The following SPAG16 variants were observed in gnomAD, a reference collection of about 807,000 sequenced individuals.
SPAG16 encodes sperm-associated antigen 16 protein.
A neutral mutation model predicts 80.4 loss-of-function variants in SPAG16; 86 were observed. The observed-to-expected ratio is 1.07, with a 90% CI of 0.90 to 1.28. SPAG16 has a LOEUF of 1.28. Among genes scored for constraint, SPAG16 ranks in the 50% most tolerant of loss-of-function variants. The pLI, the probability that SPAG16 is intolerant of heterozygous loss-of-function variation, is 0.00. For synonymous variants in SPAG16, 294 were observed against 265.9 expected (o/e 1.11, Z -1.03); for missense variants, 870 against 765.3 (o/e 1.14, Z -1.61).
intron 9 of SPAG16, among the ~76,000 whole-genome samples, chr2:213,418,275 A>G (rs1460022942): frequency 6.6e-6 from 1 of 152,156 alleles, no homozygotes; most frequent in Non-Finnish European, 1.5e-5. Flanking sequence ...ACATATATAT[A>G]TATGCACACA....
chr2:214,320,268 C>CATAA (rs1387393952), intron 15 of SPAG16, among the ~76,000 whole-genome samples: 3 of 152,190 alleles, frequency 2.0e-5, no homozygotes, highest in Non-Finnish European at 2.9e-5. Context: ...TTATGTGGCA[C>CATAA]AGTCCTGCTC....
intron 10 of SPAG16, among the ~76,000 whole-genome samples, chr2:213,762,245 G>A (rs1267770881): frequency 3.9e-5 from 6 of 152,200 alleles, no homozygotes; most frequent in African/African-American, 9.6e-5. Flanking sequence ...GGGGAATAGA[G>A]TTTCAGTTTA....
chr2:213,721,992 A>T (rs2066554781), intron 10 of SPAG16, among the ~76,000 whole-genome samples: 1 of 152,228 alleles, frequency 6.6e-6, no homozygotes, highest in Non-Finnish European at 1.5e-5. Flanking sequence ...TATAACGGGT[A>T]AGATTTTCTT....
chr2:214,166,318 C>T (rs188372191), intron 15 of SPAG16, among the ~76,000 whole-genome samples: 64 of 152,220 alleles, frequency 4.2e-4, no homozygotes, highest in Admixed American at 3.4e-3. Context: ...GGCTGACTTG[C>T]CTATTGACTT....
At chr2:213,943,721 CA>C (rs1470085174) in intron 12 of SPAG16, among the ~76,000 whole-genome samples, 1 of 152,174 alleles carries the variant, frequency 6.6e-6, no homozygotes, top group East Asian at 1.9e-4. Flanking sequence ...AATCATTAAG[CA>C]AAAAGGAACC....
At chr2:213,679,288 T>C (rs1328983749) in intron 10 of SPAG16, among the ~76,000 whole-genome samples, 1 of 152,220 alleles carries the variant, frequency 6.6e-6, no homozygotes, top group Non-Finnish European at 1.5e-5. Flanking sequence ...AATTTCTTTT[T>C]AAAAATTTGC....
intron 10 of SPAG16, among the ~76,000 whole-genome samples, chr2:213,801,591 G>A (rs187026621): frequency 0.01 from 1,566 of 152,264 alleles, 14 homozygotes; most frequent in Middle Eastern, 0.017. Flanking sequence ...TATGTGCTAA[G>A]GTTGATTTCA....
At chr2:213,961,957 A>G (rs1490644539) in intron 12 of SPAG16, among the ~76,000 whole-genome samples, 2 of 152,086 alleles carry the variant, frequency 1.3e-5, no homozygotes, top group Non-Finnish European at 1.5e-5. Flanking sequence ...AAGTATTGAT[A>G]TTAATTCTTC....
chr2:213,318,401 CAGAA>C (rs2063487253), intron 5 of SPAG16, among the ~76,000 whole-genome samples: 1 of 151,912 alleles, frequency 6.6e-6, no homozygotes, highest in Non-Finnish European at 1.5e-5. Context: ...GACTCAGAAA[CAGAA>C]AGTCAAAAAC....
chr2:213,942,632 C>T (rs557057124), intron 12 of SPAG16, among the ~76,000 whole-genome samples: 2 of 152,244 alleles, frequency 1.3e-5, no homozygotes, highest in South Asian at 2.1e-4. Flanking sequence ...TCTGTGATAT[C>T]TTATTTTCCA....
intron 10 of SPAG16, among the ~76,000 whole-genome samples, chr2:213,641,858 T>C (rs1417595589): frequency 6.6e-6 from 1 of 152,188 alleles, no homozygotes; most frequent in African/African-American, 2.4e-5. Context: ...TTTACAATCA[T>C]GGTGGAAAGG....
At chr2:213,686,935 G>A (rs911923770) in intron 10 of SPAG16, among the ~76,000 whole-genome samples, 4 of 151,662 alleles carry the variant, frequency 2.6e-5, no homozygotes, top group Admixed American at 6.6e-5. Context: ...TGCCCACCTC[G>A]GCCTCCCAAA....
At chr2:214,061,768 A>G (rs2050266896) in intron 13 of SPAG16, among the ~76,000 whole-genome samples, 1 of 152,178 alleles carries the variant, frequency 6.6e-6, no homozygotes, top group African/African-American at 2.4e-5. Flanking sequence ...TCAGTATTTT[A>G]CAGTACTCAG....
intron 15 of SPAG16, among the ~76,000 whole-genome samples, chr2:214,330,999 C>T (rs187809624): frequency 6.6e-6 from 1 of 152,288 alleles, no homozygotes; most frequent in East Asian, 1.9e-4. Flanking sequence ...ACTGTAGCCC[C>T]ATGTAGCAGT....
rs369671003 is a variant in SPAG16 at position 214,023,018 on chromosome 2, T to C, written c.1527+8941T>C. Among the ~76,000 whole-genome samples, 21 of 152,158 alleles carry C rather than the reference T, an allele frequency of 1.4e-4. No individual in the cohort carries two copies. The East Asian group carries it at 4.1e-3, about 29-fold the overall frequency. On this transcript the variant is annotated intron_variant, in intron 13 of 15. Transcript: ENST00000331683. ...TTAGACATTTCAAGTTATCTTTCAATCAGTCCCTGACAGTGCATCTGACAT... is the reference window on the plus strand; with the variant it reads ...TTAGACATTTCAAGTTATCTTTCAACCAGTCCCTGACAGTGCATCTGACAT...
intron 15 of SPAG16, among the ~76,000 whole-genome samples, chr2:214,389,464 G>A (rs961028497): frequency 6.6e-6 from 1 of 151,686 alleles, no homozygotes; most frequent in Non-Finnish European, 1.5e-5. Context: ...AAGCATGAAA[G>A]CAGATACCTT....
intron 10 of SPAG16, among the ~76,000 whole-genome samples, chr2:213,676,533 T>C (rs915613899): frequency 6.6e-6 from 1 of 152,054 alleles, no homozygotes; most frequent in African/African-American, 2.4e-5. Context: ...CATAGATAGC[T>C]CTTATTATTT....
intron 15 of SPAG16, chr2:214,241,150 C>G (rs1438704740): frequency 6.6e-6 from 1 of 151,916 alleles, no homozygotes; most frequent in Non-Finnish European, 1.5e-5. Flanking sequence ...CTCAGGAGTT[C>G]AAAACCAGCA....
At chr2:214,042,445 C>G (rs2049088122) in intron 13 of SPAG16, among the ~76,000 whole-genome samples, 1 of 151,768 alleles carries the variant, frequency 6.6e-6, no homozygotes, top group South Asian at 2.1e-4. Flanking sequence ...ACAACAACAA[C>G]AACAACAACA....
Sources: allele counts gnomAD v4.1 joint callset (sites outside exome capture counted in the v4.1 genomes callset), GRCh38; gene constraint gnomAD v4.1.1; transcripts MANE v1.5; gene names NCBI Gene and HGNC (gene_info 2026-07-23, HGNC 2026-07-21).